NELL2: variants seen among roughly 807,000 people sequenced by gnomAD.
The protein encoded by NELL2 is protein kinase C-binding protein NELL2.
A neutral mutation model predicts 109.6 loss-of-function variants in NELL2; 41 were observed. The ratio of observed to expected loss-of-function variants is 0.37; its 90% CI spans 0.29 to 0.49. NELL2 has a LOEUF of 0.49. NELL2 is among the 20% of genes least tolerant of loss of function. The pLI is 0.98. For synonymous variants in NELL2, 355 were observed against 344.7 expected, an observed-to-expected ratio of 1.03 and a Z score of -0.33; for missense variants, 900 against 1,008.3, an observed-to-expected ratio of 0.89 and a Z score of 1.45.
In NELL2 at chr12:44,780,028, G is replaced by A. The variant is rs780857997; in HGVS notation, c.336-6C>T. On this transcript the variant is annotated splice_region_variant and splice_polypyrimidine_tract_variant and intron_variant, in intron 3 of 19. Coordinates refer to ENST00000429094, the MANE Select transcript of NELL2 (RefSeq NM_001145108.2). ...TACTTTCCAGTTCCAGGTACCTGCA[G>A]AGAGAAGAGCCACATGGGACACATT... 3.1e-6 allele frequency: 5 copies of A among 1,613,084 alleles called. No individual in the cohort carries two copies. The African/African-American group carries it at 6.7e-5, about 22-fold the overall frequency.
intron 15 of NELL2, among the ~76,000 whole-genome samples, chr12:44,563,578 A>T (rs1229289947): frequency 6.6e-6 from 1 of 152,220 alleles, no homozygotes; most frequent in African/African-American, 2.4e-5. Context: ...ATCATCATAT[A>T]TGCCAGGACA....
chr12:44,887,099 G>A (rs779269494), intron 1 of NELL2, among the ~76,000 whole-genome samples: 1 of 151,964 alleles, frequency 6.6e-6, no homozygotes, highest in Non-Finnish European at 1.5e-5. Context: ...ATGCCTTTTT[G>A]ATATATTGAT....
chr12:44,645,902 C>T (rs1947078477), intron 13 of NELL2, among the ~76,000 whole-genome samples: 1 of 152,108 alleles, frequency 6.6e-6, no homozygotes, highest in Admixed American at 6.6e-5. Flanking sequence ...TTTTTACCCT[C>T]ATCTTGCATC....
chr12:44,654,046 T>TGA (rs910158424), intron 13 of NELL2, among the ~76,000 whole-genome samples: 3 of 152,152 alleles, frequency 2.0e-5, no homozygotes, highest in African/African-American at 4.8e-5. Context: ...CAATGTCACT[T>TGA]AGTTGGTGAT....
At chr12:44,579,856 A>G (rs1176078937) in intron 15 of NELL2, among the ~76,000 whole-genome samples, 1 of 152,190 alleles carries the variant, frequency 6.6e-6, no homozygotes, top group Non-Finnish European at 1.5e-5. Flanking sequence ...CCTCATCTCT[A>G]AGATGTGGAA....
chr12:44,716,940 G>C (rs946729729), intron 9 of NELL2, among the ~76,000 whole-genome samples: 1 of 152,080 alleles, frequency 6.6e-6, no homozygotes, highest in African/African-American at 2.4e-5. Context: ...GACTCAAATA[G>C]GCAACTTGTG....
At chr12:44,741,889 CACAG>C (rs1939993315) in intron 9 of NELL2, among the ~76,000 whole-genome samples, 1 of 152,232 alleles carries the variant, frequency 6.6e-6, no homozygotes, top group Non-Finnish European at 1.5e-5. Context: ...GTGGGCAGGG[CACAG>C]ACAAACAAAA....
At chr12:44,599,755 T>C (rs1419545912) in intron 15 of NELL2, among the ~76,000 whole-genome samples, 1 of 152,118 alleles carries the variant, frequency 6.6e-6, no homozygotes, top group Non-Finnish European at 1.5e-5. Context: ...AATAAAAATA[T>C]TAATAAATTC....
chr12:44,910,349 C>A (rs1289420961), intron 1 of NELL2, among the ~76,000 whole-genome samples: 1 of 151,824 alleles, frequency 6.6e-6, no homozygotes, highest in Non-Finnish European at 1.5e-5. Flanking sequence ...ATGTGGCCAA[C>A]AAACATGAAA....
At chr12:44,711,519 C>A in intron 10 of NELL2, 125 bp from the exon 11 acceptor site, 2 of 673,508 alleles carry the variant, frequency 3.0e-6, no homozygotes, top group South Asian at 1.8e-5. Context: ...GACCTCTGCA[C>A]AGGTCATGGG....
chr12:44,690,357 CA>C (rs1438681872), intron 12 of NELL2, among the ~76,000 whole-genome samples: 2 of 151,982 alleles, frequency 1.3e-5, no homozygotes, highest in Non-Finnish European at 2.9e-5. Context: ...AACTCTACAC[CA>C]AAAACCTGCT....
At chr12:44,665,675 C>T (rs1404882142) in intron 12 of NELL2, 66 bp from the exon 13 acceptor site, 1 of 1,479,156 alleles carries the variant, frequency 6.8e-7, no homozygotes, top group African/African-American at 1.4e-5. Flanking sequence ...ATATAATTTT[C>T]TTTGGTAGGG....
At chr12:44,562,781 C>A (rs1018718959) in intron 15 of NELL2, among the ~76,000 whole-genome samples, 2 of 152,082 alleles carry the variant, frequency 1.3e-5, no homozygotes, top group African/African-American at 2.4e-5. Context: ...GATCTAGAAC[C>A]AGAAATACCA....
intron 1 of NELL2, among the ~76,000 whole-genome samples, chr12:44,887,587 A>G (rs1945487892): frequency 6.6e-6 from 1 of 151,066 alleles, no homozygotes; most frequent in South Asian, 2.1e-4. Flanking sequence ...ATGTCTGTTC[A>G]GATTTTTACC....
chr12:44,788,187 G>A (rs1286383003), intron 3 of NELL2, among the ~76,000 whole-genome samples: 1 of 152,168 alleles, frequency 6.6e-6, no homozygotes, highest in Non-Finnish European at 1.5e-5. Flanking sequence ...AACTCGGATA[G>A]ACAGAGCAGT....
At chr12:44,829,570 T>C (rs1439581214) in intron 2 of NELL2, among the ~76,000 whole-genome samples, 4 of 152,146 alleles carry the variant, frequency 2.6e-5, no homozygotes, top group Non-Finnish European at 5.9e-5. Context: ...ACAAATGAAA[T>C]GTTTGAATTT....
intron 3 of NELL2, among the ~76,000 whole-genome samples, chr12:44,791,100 T>TATACACAC (rs1555217729): frequency 1.6e-4 from 4 of 24,862 alleles, no homozygotes; most frequent in Admixed American, 8.2e-4. Flanking sequence ...TATATATGTA[T>TATACACAC]ATATATATGT....
intron 2 of NELL2, among the ~76,000 whole-genome samples, chr12:44,846,124 C>T (rs919122414): frequency 3.3e-5 from 5 of 152,156 alleles, no homozygotes; most frequent in Admixed American, 3.3e-4. Context: ...ACTGACTTGG[C>T]CATGCACATG....
upstream of NELL2, among the ~76,000 whole-genome samples, chr12:44,917,507 T>C (rs1945837452): frequency 6.6e-6 from 1 of 152,198 alleles, no homozygotes; most frequent in Non-Finnish European, 1.5e-5. Flanking sequence ...TAGGTATATG[T>C]GGTGAGCAGA....
Sources: gnomAD v4.1 joint callset for allele counts (sites outside exome capture counted in the v4.1 genomes callset) on GRCh38, gnomAD v4.1.1 for gene constraint, MANE v1.5 for transcripts, NCBI Gene and HGNC (gene_info 2026-07-23, HGNC 2026-07-21) for gene names.